The following RIC8B variants were observed in gnomAD, a reference collection of about 807,000 sequenced individuals.
RIC8B encodes the protein chaperone Ric-8B.
A neutral mutation model predicts 57.5 loss-of-function variants in RIC8B; 16 were observed. That is an observed-to-expected ratio of 0.28 (90% confidence interval 0.19 to 0.42). The LOEUF is 0.42. RIC8B is among the 10% of genes least tolerant of loss of function. The pLI, the probability that RIC8B is intolerant of heterozygous loss-of-function variation, is 1.00. For synonymous variants in RIC8B, 216 were observed against 250.8 expected (o/e 0.86, Z 1.31); for missense variants, 481 against 677.0 (o/e 0.71, Z 3.21).
rs1453242267 is a variant in RIC8B at position 106,784,025 on chromosome 12, C to T, written c.113C>T (p.Thr38Ile). 1.9e-6 allele frequency: 3 copies of T among 1,613,596 alleles called. No individual in the cohort carries two copies. The highest frequency in any genetic ancestry group is 2.5e-6 in the Non-Finnish European group (3 of 1,179,740). The change falls in exon 2 of 10, where the codon ACA becomes ATA. Residue 38 changes from threonine to isoleucine, a missense_variant. Transcript: ENST00000392837. Reference sequence around the variant, plus strand: ...AGGGCTACTTTCAAATTTGAATCAACAGATGAAGATAAAAGAAAGGTAAGC... The same window carrying T: ...AGGGCTACTTTCAAATTTGAATCAATAGATGAAGATAAAAGAAAGGTAAGC... ...KHRATFKFESTDEDKRKKLCE... is the reference protein window; with the variant it reads ...KHRATFKFESIDEDKRKKLCE...
chr12:106,845,968 A>G (rs1273310318), intron 6 of RIC8B, among the ~76,000 whole-genome samples: 1 of 152,192 alleles, frequency 6.6e-6, no homozygotes, highest in Non-Finnish European at 1.5e-5. Flanking sequence ...AGGACACAAT[A>G]GAGAACCTCT....
intron 5 of RIC8B, among the ~76,000 whole-genome samples, chr12:106,843,246 C>A (rs1018671746): frequency 1.3e-5 from 2 of 152,124 alleles, no homozygotes; most frequent in African/African-American, 4.8e-5. Flanking sequence ...TTTATACATT[C>A]TCTGGTCTAT....
chr12:106,879,569 T>C lies in RIC8B; in HGVS notation c.1572-6335T>C, dbSNP rs1263477809. 3.0e-6 allele frequency: 3 copies of C among 984,846 alleles called. No individual in the cohort carries two copies. Among genetic ancestry groups the C allele is most frequent in the African/African-American group, 3.5e-5 (2 of 57,130 alleles). 61.0% of individuals were successfully genotyped at this position (984,846 alleles called of 1,614,324 possible). On this transcript the variant is annotated intron_variant, in intron 9 of 9. Transcript: ENST00000392837. This position sits in a 1 kb window ranked among gnomAD's most constrained non-coding sequence, Gnocchi z 4.9. The stretch of plus-strand genomic sequence containing the variant: ...ACAGACCAGAATATTTTAAATATGG[T>C]GTAAATTCCGTATCTCCCATCCCTA...
At chr12:106,784,075 ATGTG>A (rs111989970) in intron 2 of RIC8B, 31 bp downstream of exon 2, 2 of 1,590,146 alleles carry the variant, frequency 1.3e-6, no homozygotes, top group Non-Finnish European at 8.6e-7. Context: ...GTGAATGTTT[ATGTG>A]TGTGTGTATT....
rs756928118 is a variant in RIC8B, at chr12:106,815,232, G to A, written c.669G>A (p.Glu223=). 1.9e-6 allele frequency: 3 copies of A among 1,614,230 alleles called. No homozygotes were observed. In the South Asian group the frequency reaches 3.3e-5, roughly 18 times the overall value. Reference sequence around the variant, plus strand: ...ATGGACCTCCTCTCTCACCTCAGGAGACAGACTGTGCCATTGAGGCCCTCA... The same window carrying A: ...ATGGACCTCCTCTCTCACCTCAGGAAACAGACTGTGCCATTGAGGCCCTCA... ...DHNGPPLSPQ[E]TDCAIEALKA... is the part of the protein sequence containing the mutation. Residue 223 remains glutamate (E), a synonymous_variant, in exon 3 of 10, where the codon GAG becomes GAA. Coordinates refer to ENST00000392837, the MANE Select transcript of RIC8B (RefSeq NM_001330145.2).
chr12:106,868,482 A>C, intron 8 of RIC8B: 2 of 343,908 alleles, frequency 5.8e-6, no homozygotes, highest in South Asian at 4.6e-5. Flanking sequence ...TTTCTAATTT[A>C]ACAGGTGGCA....
At chr12:106,874,486 C>T in intron 9 of RIC8B, 2 of 1,550,972 alleles carry the variant, frequency 1.3e-6, no homozygotes, top group Non-Finnish European at 1.7e-6. Context: ...CATAGGAGAG[C>T]AGATGTGAAG....
At chr12:106,777,197 G>A (rs1401546700) in intron 1 of RIC8B, among the ~76,000 whole-genome samples, 1 of 152,120 alleles carries the variant, frequency 6.6e-6, no homozygotes, top group Admixed American at 6.5e-5. Context: ...ACTGTAGTAG[G>A]GCCAGTATAG....
At position 106,879,543 on chromosome 12, in the gene RIC8B, AAC is replaced by A. The variant is rs1363699090; in HGVS notation, c.1572-6359_1572-6358del. Reference sequence around the variant, plus strand: ...TGTTAAAATATATCTGGAAAAAAAAAACAGACCAGAATATTTTAAATATGGTG... The same window carrying A: ...TGTTAAAATATATCTGGAAAAAAAAAAGACCAGAATATTTTAAATATGGTG... On this transcript the variant is annotated intron_variant, in intron 9 of 9. Coordinates refer to ENST00000392837, the MANE Select transcript of RIC8B (RefSeq NM_001330145.2). The surrounding 1 kb of genome is among the most constrained non-coding windows in gnomAD (Gnocchi z 4.9). 1.0e-6 allele frequency: 1 copy of A among 985,062 alleles called. No homozygotes were observed. Among genetic ancestry groups the A allele is most frequent in the Non-Finnish European group, 1.2e-6 (1 of 829,764 alleles). 61.0% of individuals were successfully genotyped at this position (985,062 alleles called of 1,614,324 possible).
intron 2 of RIC8B, among the ~76,000 whole-genome samples, chr12:106,789,258 G>A (rs1221875704): frequency 6.6e-6 from 1 of 152,104 alleles, no homozygotes; most frequent in African/African-American, 2.4e-5. Flanking sequence ...CAGCATTTTT[G>A]TCAAAGCCAT....
Position 106,886,302 on chromosome 12 carries a change from G to A in RIC8B, c.*287G>A. On this transcript the variant is annotated 3_prime_UTR_variant, in exon 10 of 10. Coordinates refer to ENST00000392837, the MANE Select transcript of RIC8B (RefSeq NM_001330145.2). ...GGATTTTATTCTATAAAGCGGCCCTGGTTGAATCTGGCAATTCTTTTTGCC... is the reference window on the plus strand; with the variant it reads ...GGATTTTATTCTATAAAGCGGCCCTAGTTGAATCTGGCAATTCTTTTTGCC... 3.6e-6 allele frequency: 1 copy of A among 276,372 alleles called. No individual in the cohort carries two copies. Among genetic ancestry groups the A allele is most frequent in the East Asian group, 7.0e-5 (1 of 14,268 alleles). The allele number at this position is 276,372 out of a possible 1,614,324, so 17.1% of individuals were successfully genotyped here. A position where few individuals can be genotyped will look rare whatever the true frequency, so the allele number is the denominator to read the frequency against.
intron 2 of RIC8B, among the ~76,000 whole-genome samples, chr12:106,788,354 G>A (rs761171262): frequency 5.3e-5 from 8 of 152,160 alleles, no homozygotes; most frequent in Non-Finnish European, 1.2e-4. Flanking sequence ...CAAGCTGTCA[G>A]TGATCTACCA....
At chr12:106,852,677 A>T (rs1949523637) in intron 7 of RIC8B, among the ~76,000 whole-genome samples, 1 of 152,232 alleles carries the variant, frequency 6.6e-6, no homozygotes, top group Non-Finnish European at 1.5e-5. Context: ...ATAACATGTC[A>T]CACAGTTGCT....
chr12:106,856,473 C>T (rs1030676079), intron 7 of RIC8B, among the ~76,000 whole-genome samples: 2 of 152,164 alleles, frequency 1.3e-5, no homozygotes, highest in Non-Finnish European at 2.9e-5. Context: ...GGCATATCTC[C>T]ATGGCTTGGC....
rs1950181410 is a variant in RIC8B at position 106,867,278 on chromosome 12, G to A, written c.1452-3545G>A. On this transcript the variant is annotated intron_variant, in intron 8 of 9. Coordinates refer to ENST00000392837, the MANE Select transcript of RIC8B (RefSeq NM_001330145.2). The surrounding 1 kb of genome is among the most constrained non-coding windows in gnomAD (Gnocchi z 4.3). ...ATAGCTGTTGTCAGTTCATATAATA[G>A]TCTTATACAAAATTTATGATGAAAT... Among the ~76,000 whole-genome samples, 1 of 152,052 alleles carries A rather than the reference G, an allele frequency of 6.6e-6. No individual in the cohort carries two copies. Among genetic ancestry groups the A allele is most frequent in the African/African-American group, 2.4e-5 (1 of 41,386 alleles).
chr12:106,778,212 C>G (rs1190369806), intron 1 of RIC8B, among the ~76,000 whole-genome samples: 1 of 152,180 alleles, frequency 6.6e-6, no homozygotes, highest in Non-Finnish European at 1.5e-5. Flanking sequence ...TAATGGGTAG[C>G]AAAATTGTAC....
At chr12:106,813,346 A>G (rs1412323509) in intron 2 of RIC8B, among the ~76,000 whole-genome samples, 6 of 151,990 alleles carry the variant, frequency 3.9e-5, no homozygotes, top group African/African-American at 1.2e-4. Flanking sequence ...ACGTGCCACC[A>G]TGCCCAGCTA....
chr12:106,877,501 C>T (rs182344546), intron 9 of RIC8B, among the ~76,000 whole-genome samples: 21 of 152,178 alleles, frequency 1.4e-4, no homozygotes, highest in Non-Finnish European at 2.2e-4. Context: ...TTGAGCTCTT[C>T]GTAGGTATCA....
intron 9 of RIC8B, among the ~76,000 whole-genome samples, chr12:106,881,496 G>T (rs1950931809): frequency 6.6e-6 from 1 of 151,706 alleles, no homozygotes; most frequent in Non-Finnish European, 1.5e-5. Context: ...TTACAGTCTG[G>T]CCCCTGAGTC....
Sources: allele counts gnomAD v4.1 joint callset (sites outside exome capture counted in the v4.1 genomes callset), GRCh38; gene constraint gnomAD v4.1.1; non-coding constraint Gnocchi (gnomAD v3.1); transcripts MANE v1.5; gene names NCBI Gene and HGNC (gene_info 2026-07-23, HGNC 2026-07-21).